Variants in TSPAN7 observed in about 807,000 individuals in gnomAD.
TSPAN7 encodes tetraspanin 7.
Under a neutral mutation model 17.6 loss-of-function variants are expected in TSPAN7, and 1 was observed. That is an observed-to-expected ratio of 0.06 (90% confidence interval 0.02 to 0.27). The LOEUF (loss-of-function observed/expected upper bound fraction) is 0.27. Among genes scored for constraint, TSPAN7 ranks in the 10% least tolerant of loss-of-function variants. TSPAN7 has a pLI of 1.00. For missense variants in TSPAN7, 112 were observed against 201.7 expected (o/e 0.56, Z 2.69); for synonymous variants, 78 against 79.0 (o/e 0.99, Z 0.07).
At chrX:38,608,869 C>T (rs1283697541) in intron 1 of TSPAN7, among the ~76,000 whole-genome samples, 2 of 111,707 alleles carry the variant, frequency 1.8e-5, no homozygotes, top group African/African-American at 6.5e-5. Flanking sequence ...ATAACATTAT[C>T]GCAGATATTT....
intron 1 of TSPAN7, among the ~76,000 whole-genome samples, chrX:38,658,904 C>T (rs951234779): frequency 9.1e-6 from 1 of 110,462 alleles, no homozygotes; most frequent in South Asian, 3.9e-4. Context: ...CAAGTCAGCA[C>T]TTAAGATTAT....
chrX:38,652,398 G>T (rs1028515722), intron 1 of TSPAN7, among the ~76,000 whole-genome samples: 3 of 111,537 alleles, frequency 2.7e-5, no homozygotes, highest in Admixed American at 9.5e-5. Flanking sequence ...AGTCTCTATG[G>T]GGCTGCCCAG....
chrX:38,603,723 C>T (rs1399654677), intron 1 of TSPAN7, among the ~76,000 whole-genome samples: 2 of 110,608 alleles, frequency 1.8e-5, no homozygotes, highest in African/African-American at 6.5e-5. Context: ...TTGCCTAGGA[C>T]TGGAGGATAT....
intron 1 of TSPAN7, among the ~76,000 whole-genome samples, chrX:38,567,075 A>C (rs1197827701): frequency 9.6e-6 from 1 of 104,603 alleles, no homozygotes; most frequent in Non-Finnish European, 1.9e-5. Flanking sequence ...TCTTTTCTGG[A>C]AAAATAATTT....
chrX:38,577,660 T>C (rs1451423684), intron 1 of TSPAN7, among the ~76,000 whole-genome samples: 1 of 63,312 alleles, frequency 1.6e-5, no homozygotes, highest in Non-Finnish European at 2.9e-5. Flanking sequence ...CCGGGGCCTG[T>C]TGTGGGGTGG....
intron 1 of TSPAN7, among the ~76,000 whole-genome samples, chrX:38,587,120 C>A (rs1463110724): frequency 8.9e-6 from 1 of 112,276 alleles, no homozygotes; most frequent in Non-Finnish European, 1.9e-5. Flanking sequence ...TGGGTAAAAG[C>A]CAGGGATGTT....
chrX:38,566,486 C>G (rs2069144322), intron 1 of TSPAN7: 1 of 378,521 alleles, frequency 2.6e-6, no homozygotes, highest in Admixed American at 6.7e-5. Context: ...TACTCTTGGG[C>G]TCAGTTATTT....
At position 38,580,062 on chromosome X, in the gene TSPAN7, A is replaced by C. The variant is rs181936756; in HGVS notation, c.81+18435A>C. On this transcript the variant is annotated intron_variant, in intron 1 of 7. Coordinates refer to ENST00000378482, the MANE Select transcript of TSPAN7 (RefSeq NM_004615.4). ...TTGTTTAATATGTTTCCATGTCGACAGACCTGGCTTTAGTTTAGAGGCTGG... is the reference window on the plus strand; with the variant it reads ...TTGTTTAATATGTTTCCATGTCGACCGACCTGGCTTTAGTTTAGAGGCTGG... 6.8e-3 allele frequency among the ~76,000 whole-genome samples: 768 copies of C among 112,603 alleles called. 7 individuals carry two copies. Among genetic ancestry groups the C allele is most frequent in the African/African-American group, 0.024 (733 of 30,987 alleles).
Position 38,619,422 on chromosome X carries a change from G to A in TSPAN7, c.82-46699G>A, listed in dbSNP as rs139942104. On this transcript the variant is annotated intron_variant, in intron 1 of 7. Transcript: ENST00000378482. ...GTACCTGAAATGGCATAGGTTATCA[G>A]TGTTTATTAGCTAAGGCATGGCTCA... 5.5e-3 allele frequency among the ~76,000 whole-genome samples: 616 copies of A among 112,070 alleles called. 5 individuals carry two copies. Among genetic ancestry groups the A allele is most frequent in the African/African-American group, 0.018 (557 of 30,876 alleles).
chrX:38,574,431 T>C (rs1003240135), intron 1 of TSPAN7, among the ~76,000 whole-genome samples: 2 of 111,898 alleles, frequency 1.8e-5, no homozygotes, highest in Non-Finnish European at 1.9e-5. Context: ...TATTTTAGCA[T>C]AAGCCTTAGG....
At chrX:38,602,076 G>T (rs966422270) in intron 1 of TSPAN7, among the ~76,000 whole-genome samples, 1 of 111,609 alleles carries the variant, frequency 9.0e-6, no homozygotes, top group African/African-American at 3.3e-5. Context: ...GTGACTTACT[G>T]GGGTTGTTAA....
At chrX:38,597,304 C>G (rs2069323186) in intron 1 of TSPAN7, among the ~76,000 whole-genome samples, 1 of 110,970 alleles carries the variant, frequency 9.0e-6, no homozygotes, top group Admixed American at 9.6e-5. Flanking sequence ...AGCTCTCATA[C>G]TATAAACAAG....
intron 1 of TSPAN7, among the ~76,000 whole-genome samples, chrX:38,614,837 C>T (rs1395047032): frequency 8.9e-6 from 1 of 112,190 alleles, no homozygotes; most frequent in African/African-American, 3.2e-5. Flanking sequence ...TATATGGCCA[C>T]AAGGCTAGGT....
At chrX:38,608,185 C>A (rs1054467898) in intron 1 of TSPAN7, 1 of 109,186 alleles carries the variant, frequency 9.2e-6, no homozygotes, top group Admixed American at 9.7e-5. Context: ...CAGAAGAGTT[C>A]TTGAGATGCC....
intron 6 of TSPAN7, 105 bp downstream of exon 6, chrX:38,681,392 G>T: frequency 1.5e-6 from 1 of 683,236 alleles, no homozygotes. Flanking sequence ...AAAGCTGATA[G>T]ATGGGGTCAA....
At chrX:38,682,152 C>T (rs1191653317) in intron 6 of TSPAN7, among the ~76,000 whole-genome samples, 1 of 111,784 alleles carries the variant, frequency 8.9e-6, no homozygotes, top group African/African-American at 3.3e-5. Context: ...TTAATGTTGT[C>T]TGAGTAATGT....
At chrX:38,598,317 T>C (rs1465307737) in intron 1 of TSPAN7, among the ~76,000 whole-genome samples, 5 of 111,339 alleles carry the variant, frequency 4.5e-5, no homozygotes, top group African/African-American at 9.8e-5. Context: ...TAAAGTTGCT[T>C]TGGGACAAAG....
chrX:38,564,695 G>A (rs1413809859), intron 1 of TSPAN7, among the ~76,000 whole-genome samples: 2 of 112,300 alleles, frequency 1.8e-5, no homozygotes. Flanking sequence ...GTATCTCACT[G>A]TGGTTCTGGT....
intron 6 of TSPAN7, among the ~76,000 whole-genome samples, chrX:38,683,162 A>C (rs189608505): frequency 8.9e-6 from 1 of 112,292 alleles, no homozygotes; most frequent in East Asian, 2.8e-4. Flanking sequence ...GAATATTCCC[A>C]TGTGGCCATG....
Sources: gnomAD v4.1 joint callset for allele counts (sites outside exome capture counted in the v4.1 genomes callset) on GRCh38, gnomAD v4.1.1 for gene constraint, MANE v1.5 for transcripts, NCBI Gene and HGNC (gene_info 2026-07-23, HGNC 2026-07-21) for gene names.